ATP8A1: variants seen among roughly 807,000 people sequenced by gnomAD.
ATP8A1 encodes the protein ATPase phospholipid transporting 8A1.
Under a neutral mutation model 177.7 loss-of-function variants are expected in ATP8A1, and 90 were observed. The observed-to-expected ratio is 0.51, with a 90% CI of 0.43 to 0.60. ATP8A1 has a LOEUF of 0.60. Among genes scored for constraint, ATP8A1 ranks in the 20% least tolerant of loss-of-function variants. The pLI, the probability that ATP8A1 is intolerant of heterozygous loss-of-function variation, is 0.00. For synonymous variants in ATP8A1, 493 were observed against 485.9 expected (o/e 1.01, Z -0.19); for missense variants, 1,072 against 1,392.8 (o/e 0.77, Z 3.67).
chr4:42,596,891 A>C (rs1734774102), intron 6 of ATP8A1, among the ~76,000 whole-genome samples: 1 of 152,170 alleles, frequency 6.6e-6, no homozygotes, highest in African/African-American at 2.4e-5. Flanking sequence ...ATTGTAAAGA[A>C]ATAATCTGTG....
chr4:42,644,844 A>C (rs1740369102), intron 1 of ATP8A1, among the ~76,000 whole-genome samples: 2 of 152,222 alleles, frequency 1.3e-5, no homozygotes, highest in Non-Finnish European at 2.9e-5. Flanking sequence ...TTCATGTCAT[A>C]ATGGGATAAA....
chr4:42,421,037 GGATTACAGGTGT>G (rs1373788520), intron 35 of ATP8A1, among the ~76,000 whole-genome samples: 5 of 152,066 alleles, frequency 3.3e-5, no homozygotes, highest in African/African-American at 1.2e-4. Context: ...CAAAGTGCTG[GGATTACAGGTGT>G]GAGCCACCGC....
intron 29 of ATP8A1, among the ~76,000 whole-genome samples, chr4:42,454,362 C>T (rs1718248375): frequency 6.6e-6 from 1 of 152,152 alleles, no homozygotes; most frequent in African/African-American, 2.4e-5. Context: ...TTTAAAATAT[C>T]CTACATTAAC....
chr4:42,598,283 A>G (rs954849432), intron 6 of ATP8A1, among the ~76,000 whole-genome samples: 3 of 152,260 alleles, frequency 2.0e-5, no homozygotes, highest in Middle Eastern at 3.4e-3. Flanking sequence ...TGTGATAGCA[A>G]TTCTTTAAAA....
At chr4:42,636,154 A>ACGCGCGCGCGTGCGCGCGCG (rs765930469) in intron 1 of ATP8A1, among the ~76,000 whole-genome samples, 6 of 47,540 alleles carry the variant, frequency 1.3e-4, no homozygotes, top group African/African-American at 2.6e-4. Context: ...ACACACACAC[A>ACGCGCGCGCGTGCGCGCGCG]CACGCACACA....
chr4:42,472,747 C>CAAAAAAAAA (rs11315234), intron 25 of ATP8A1, among the ~76,000 whole-genome samples: 3 of 111,038 alleles, frequency 2.7e-5, no homozygotes, highest in African/African-American at 7.3e-5. Flanking sequence ...GAGACTGTCT[C>CAAAAAAAAA]AAAAAAAAAA....
chr4:42,549,162 CA>C (rs1378946261), intron 18 of ATP8A1, 100 bp from the exon 19 acceptor site: 1 of 933,350 alleles, frequency 1.1e-6, no homozygotes, highest in Non-Finnish European at 1.7e-6. Context: ...AAAATGCCAA[CA>C]CAAACAAATT....
At chr4:42,530,312 G>A (rs774816788) in intron 20 of ATP8A1, among the ~76,000 whole-genome samples, 11 of 152,232 alleles carry the variant, frequency 7.2e-5, no homozygotes, top group Non-Finnish European at 1.5e-4. Flanking sequence ...CATTCCTTGG[G>A]GTGATCAGCC....
At chr4:42,443,703 G>C (rs757842591) in intron 32 of ATP8A1, 31 bp from the exon 33 acceptor site, 3 of 946,206 alleles carry the variant, frequency 3.2e-6, no homozygotes, top group Non-Finnish European at 5.2e-6. Flanking sequence ...AGTCAAAAAA[G>C]TTTTATGTAG....
chr4:42,621,129 T>TATGTGGA (rs1737422626), intron 4 of ATP8A1, among the ~76,000 whole-genome samples: 1 of 152,244 alleles, frequency 6.6e-6, no homozygotes, highest in Non-Finnish European at 1.5e-5. Flanking sequence ...TTGGCAAGTC[T>TATGTGGA]ATGTGGAGCA....
At chr4:42,490,748 A>G (rs1197961255) in intron 24 of ATP8A1, among the ~76,000 whole-genome samples, 1 of 152,192 alleles carries the variant, frequency 6.6e-6, no homozygotes, top group Non-Finnish European at 1.5e-5. Flanking sequence ...TCTAAAAATA[A>G]TGAACAAATA....
chr4:42,456,889 T>C (rs1326109901), intron 27 of ATP8A1, among the ~76,000 whole-genome samples: 1 of 152,198 alleles, frequency 6.6e-6, no homozygotes, highest in Non-Finnish European at 1.5e-5. Context: ...ATTCACCATT[T>C]ATCAATATAT....
chr4:42,646,301 C>A (rs144452626), intron 1 of ATP8A1, among the ~76,000 whole-genome samples: 1 of 152,326 alleles, frequency 6.6e-6, no homozygotes, highest in African/African-American at 2.4e-5. Flanking sequence ...GCTGCTGGGA[C>A]AGGCACTCAG....
intron 29 of ATP8A1, among the ~76,000 whole-genome samples, chr4:42,454,695 T>C (rs746684251): frequency 6.6e-6 from 1 of 152,140 alleles, no homozygotes; most frequent in Non-Finnish European, 1.5e-5. Flanking sequence ...ATAAATACTA[T>C]TGGATCACAC....
At chr4:42,540,613 T>C (rs2153205485) in intron 20 of ATP8A1, among the ~76,000 whole-genome samples, 1 of 151,666 alleles carries the variant, frequency 6.6e-6, no homozygotes, top group Non-Finnish European at 1.5e-5. Flanking sequence ...TAAAGAATAA[T>C]GACATCATGT....
intron 24 of ATP8A1, among the ~76,000 whole-genome samples, chr4:42,498,654 C>T (rs753807393): frequency 3.3e-5 from 5 of 151,690 alleles, no homozygotes; most frequent in East Asian, 1.9e-4. Flanking sequence ...TCTGTTACAT[C>T]GGACAGCAGT....
intron 25 of ATP8A1, among the ~76,000 whole-genome samples, chr4:42,465,461 A>G (rs1353886083): frequency 2.0e-5 from 3 of 152,232 alleles, no homozygotes; most frequent in African/African-American, 7.2e-5. Context: ...CTGGAAAGTA[A>G]AAGTTTTGAG....
At chr4:42,512,969 T>C (rs1361860913) in intron 22 of ATP8A1, among the ~76,000 whole-genome samples, 1 of 152,190 alleles carries the variant, frequency 6.6e-6, no homozygotes, top group African/African-American at 2.4e-5. Flanking sequence ...AATTATGCTG[T>C]GGTAGCATGA....
intron 27 of ATP8A1, among the ~76,000 whole-genome samples, chr4:42,457,052 C>T (rs907444271): frequency 6.6e-6 from 1 of 152,086 alleles, no homozygotes. Context: ...AAAATAAGTC[C>T]AAATTGTGTT....
Sources: gnomAD v4.1 joint callset for allele counts (sites outside exome capture counted in the v4.1 genomes callset) on GRCh38, gnomAD v4.1.1 for gene constraint, MANE v1.5 for transcripts, NCBI Gene and HGNC (gene_info 2026-07-23, HGNC 2026-07-21) for gene names.